PPP1R21: variants seen among roughly 807,000 people sequenced by gnomAD.
PPP1R21 encodes the protein protein phosphatase 1 regulatory subunit 21, also known as KLRAQ motif containing 1.
PPP1R21 carries 85 observed loss-of-function variants against 112.8 expected under a neutral mutation model. That is an observed-to-expected ratio of 0.75 (90% CI 0.63 to 0.90). The LOEUF (loss-of-function observed/expected upper bound fraction) is 0.90, where lower values mean the gene tolerates loss of function less well. Ranked by LOEUF, PPP1R21 falls within the 40% of genes least tolerant of loss-of-function variation. The probability of loss-of-function intolerance (pLI) is 0.00; values close to 1 mark genes in which losing one functional copy is unlikely to be tolerated. For synonymous variants in PPP1R21, 381 were observed against 322.3 expected, an observed-to-expected ratio of 1.18 and a Z score of -1.95; for missense variants, 1,199 against 901.5, an observed-to-expected ratio of 1.33 and a Z score of -4.23.
At chr2:48,459,620 A>G (rs535319858) in intron 4 of PPP1R21, 134 bp from the exon 5 acceptor site, 3 of 881,492 alleles carry the variant, frequency 3.4e-6, no homozygotes, top group African/African-American at 3.4e-5. Context: ...TAATGAGATA[A>G]TGCCTGTGTG....
At chr2:48,491,629 T>C (rs1669569290) in intron 15 of PPP1R21, among the ~76,000 whole-genome samples, 1 of 152,204 alleles carries the variant, frequency 6.6e-6, no homozygotes, top group Non-Finnish European at 1.5e-5. Context: ...CAAATGTAGC[T>C]ATAATTGACT....
At chr2:48,483,399 T>G (rs1162311502) in intron 13 of PPP1R21, among the ~76,000 whole-genome samples, 1 of 152,046 alleles carries the variant, frequency 6.6e-6, no homozygotes, top group Non-Finnish European at 1.5e-5. Context: ...GCCAGGCTGG[T>G]CTCGAACTCC....
intron 7 of PPP1R21, 134 bp downstream of exon 7, chr2:48,461,366 A>G (rs1188691307): frequency 2.3e-6 from 3 of 1,285,360 alleles, no homozygotes; most frequent in Non-Finnish European, 3.0e-6. Flanking sequence ...CTCTTTGTTC[A>G]TTTGATCAGC....
intron 3 of PPP1R21, among the ~76,000 whole-genome samples, chr2:48,457,523 A>G (rs1436379399): frequency 6.6e-6 from 1 of 152,230 alleles, no homozygotes; most frequent in Non-Finnish European, 1.5e-5. Flanking sequence ...GATGTTTTAA[A>G]TAGTGCTATT....
At chr2:48,504,791 C>T (rs1670298259) in intron 17 of PPP1R21, among the ~76,000 whole-genome samples, 1 of 152,164 alleles carries the variant, frequency 6.6e-6, no homozygotes, top group South Asian at 2.1e-4. Context: ...GAAATCATGA[C>T]CATCTGTTTT....
intron 17 of PPP1R21, among the ~76,000 whole-genome samples, chr2:48,499,511 C>G (rs1028385000): frequency 6.6e-6 from 1 of 152,126 alleles, no homozygotes; most frequent in Non-Finnish European, 1.5e-5. Flanking sequence ...TCACTTGAAC[C>G]CAGGACTTTG....
chr2:48,484,453 A>C (rs908272811), intron 13 of PPP1R21, among the ~76,000 whole-genome samples: 3 of 152,134 alleles, frequency 2.0e-5, no homozygotes, highest in African/African-American at 7.2e-5. Context: ...TTTTGGAGTT[A>C]AAATTTAATG....
At chr2:48,474,379 C>G (rs1362658703) in intron 11 of PPP1R21, among the ~76,000 whole-genome samples, 1 of 152,110 alleles carries the variant, frequency 6.6e-6, no homozygotes, top group Non-Finnish European at 1.5e-5. Context: ...GAGACTCCGT[C>G]TCAAACAAAA....
At position 48,507,394 on chromosome 2, in the gene PPP1R21, A is replaced by G; in HGVS notation, c.2085+9A>G. 5.7e-6 allele frequency: 9 copies of G among 1,592,794 alleles called. No individual in the cohort carries two copies. Among genetic ancestry groups the G allele is most frequent in the Admixed American group, 1.8e-5 (1 of 54,104 alleles). ...TGCATTTTTATGCCGAGGTGAGTGT[A>G]GATTTAATTAGATTGGTGGTTTTTT... On this transcript the variant is annotated intron_variant, in intron 19 of 21. Transcript: ENST00000294952.
At chr2:48,510,451 C>G (rs538107274) in intron 20 of PPP1R21, among the ~76,000 whole-genome samples, 1 of 152,142 alleles carries the variant, frequency 6.6e-6, no homozygotes, top group East Asian at 1.9e-4. Context: ...CCTTTTCTTT[C>G]CTGTTGCATA....
chr2:48,454,815 A>G, intron 3 of PPP1R21, 74 bp downstream of exon 3: 1 of 1,144,710 alleles, frequency 8.7e-7, no homozygotes, highest in Non-Finnish European at 1.3e-6. Flanking sequence ...CCTGGTTTTA[A>G]CAGAAGACCC....
chr2:48,465,377 A>G (rs1241789451), intron 8 of PPP1R21, 116 bp from the exon 9 acceptor site: 7 of 987,758 alleles, frequency 7.1e-6, no homozygotes, highest in Non-Finnish European at 1.0e-5. Flanking sequence ...AGATGAATTT[A>G]AAGTAAGGAA....
chr2:48,451,559 T>G (rs1485811775), intron 2 of PPP1R21, among the ~76,000 whole-genome samples: 3 of 152,244 alleles, frequency 2.0e-5, no homozygotes, highest in African/African-American at 7.2e-5. Flanking sequence ...AGGACACTCT[T>G]TGAGTGATAC....
At chr2:48,500,841 G>C (rs189170848) in intron 17 of PPP1R21, among the ~76,000 whole-genome samples, 1 of 152,106 alleles carries the variant, frequency 6.6e-6, no homozygotes, top group African/African-American at 2.4e-5. Context: ...CCTGGGAGGC[G>C]GAGGTCGCAG....
chr2:48,478,869 C>G (rs1362473907), intron 12 of PPP1R21, among the ~76,000 whole-genome samples: 1 of 152,210 alleles, frequency 6.6e-6, no homozygotes, highest in African/African-American at 2.4e-5. Flanking sequence ...CAAATTAAGT[C>G]AGTTCCTTAA....
intron 18 of PPP1R21, among the ~76,000 whole-genome samples, chr2:48,506,350 T>G (rs2103662251): frequency 6.6e-6 from 1 of 152,244 alleles, no homozygotes; most frequent in East Asian, 1.9e-4. Context: ...TGCCTCGGCC[T>G]CCCAAAGTGC....
At chr2:48,497,692 C>T (rs1473265751) in intron 16 of PPP1R21, among the ~76,000 whole-genome samples, 3 of 148,436 alleles carry the variant, frequency 2.0e-5, no homozygotes, top group Admixed American at 1.4e-4. Context: ...TACTCTGTCG[C>T]CCAGGCTGGA....
Position 48,459,846 on chromosome 2 carries a change from T to A in PPP1R21, c.468T>A (p.Ala156=). Residue 156 remains alanine (A), a synonymous_variant, in exon 5 of 22, where the codon GCT becomes GCA. Coordinates refer to ENST00000294952, the MANE Select transcript of PPP1R21 (RefSeq NM_001135629.3). ...TLETEAAQHQ[A]VVDGLTRKYM... ...AGACAGAAGCAGCCCAGCACCAAGC[T>A]GTGGTTGACGGTCTCACCCGGAAGT... The A allele has an allele frequency of 1.2e-6, 2 of 1,614,170 alleles. No individual in the cohort carries two copies. Among genetic ancestry groups the A allele is most frequent in the Non-Finnish European group, 1.7e-6 (2 of 1,180,044 alleles).
chr2:48,507,413 G>GT, intron 19 of PPP1R21, 28 bp downstream of exon 19: 15 of 1,586,322 alleles, frequency 9.5e-6, no homozygotes, highest in East Asian at 2.3e-5. Context: ...TAGATTGGTG[G>GT]TTTTTTTCCT....
Sources: gnomAD v4.1 joint callset for allele counts (sites outside exome capture counted in the v4.1 genomes callset) on GRCh38, gnomAD v4.1.1 for gene constraint, MANE v1.5 for transcripts, NCBI Gene and HGNC (gene_info 2026-07-23, HGNC 2026-07-21) for gene names.